The following ZNF385D variants were observed in gnomAD, a reference collection of about 807,000 sequenced individuals.
ZNF385D encodes zinc finger protein 659.
A neutral mutation model predicts 35.8 loss-of-function variants in ZNF385D; 15 were observed. The observed-to-expected ratio is 0.42, with a 90% CI of 0.28 to 0.64. ZNF385D has a LOEUF of 0.64. Among genes scored for constraint, ZNF385D ranks in the 30% least tolerant of loss-of-function variants. ZNF385D has a pLI of 0.23. For synonymous variants in ZNF385D, 212 were observed against 186.8 expected (o/e 1.13, Z -1.10); for missense variants, 474 against 494.6 (o/e 0.96, Z 0.39).
chr3:22,249,832 T>G lies in ZNF385D; in HGVS notation c.107-80797A>C, dbSNP rs564125158. Among the ~76,000 whole-genome samples, 8 of 152,274 alleles carry G rather than the reference T, an allele frequency of 5.3e-5. No homozygotes were observed. In the East Asian group the frequency reaches 1.5e-3, roughly 29 times the overall value. On this transcript the variant is annotated intron_variant, in intron 2 of 5. Coordinates refer to the ZNF385D transcript ENST00000494108. ...ATATTTAGGACCACTAGAGTCCACCTGAAACAAGAGATGGATGTATATGCC... is the reference window on the plus strand; with the variant it reads ...ATATTTAGGACCACTAGAGTCCACCGGAAACAAGAGATGGATGTATATGCC...
At chr3:21,989,935 C>A (rs1239973526) in intron 3 of ZNF385D, among the ~76,000 whole-genome samples, 2 of 152,164 alleles carry the variant, frequency 1.3e-5, no homozygotes, top group Admixed American at 6.5e-5. Context: ...CCTGATTTCA[C>A]ACAAAGATTT....
chr3:22,027,827 T>TG (rs1576180465), intron 3 of ZNF385D, among the ~76,000 whole-genome samples: 1 of 152,086 alleles, frequency 6.6e-6, no homozygotes, highest in East Asian at 1.9e-4. Context: ...AATGGCCTCA[T>TG]GGGGGGTTCT....
intron 2 of ZNF385D, among the ~76,000 whole-genome samples, chr3:22,181,425 G>T (rs565354733): frequency 2.6e-5 from 4 of 151,986 alleles, no homozygotes; most frequent in Non-Finnish European, 5.9e-5. Context: ...GGCCGGGCGC[G>T]GTGTCTCAAG....
intron 3 of ZNF385D, among the ~76,000 whole-genome samples, chr3:22,073,718 G>A (rs1299546674): frequency 6.6e-6 from 1 of 151,788 alleles, no homozygotes; most frequent in East Asian, 1.9e-4. Flanking sequence ...ATGGGGGGTT[G>A]GACAGTTTGT....
At chr3:21,444,475 C>G (rs1345246258) in intron 4 of ZNF385D, among the ~76,000 whole-genome samples, 16 of 149,068 alleles carry the variant, frequency 1.1e-4, no homozygotes, top group African/African-American at 3.7e-4. Context: ...AGCTCCATCT[C>G]CCTGGTTCAA....
intron 4 of ZNF385D, among the ~76,000 whole-genome samples, chr3:21,457,234 G>A (rs545999188): frequency 5.3e-5 from 8 of 152,238 alleles, no homozygotes; most frequent in Non-Finnish European, 8.8e-5. Context: ...CAGTACTAGC[G>A]TGTGATGGCA....
intron 1 of ZNF385D, among the ~76,000 whole-genome samples, chr3:21,703,768 G>A (rs997452347): frequency 6.6e-6 from 1 of 152,024 alleles, no homozygotes; most frequent in African/African-American, 2.4e-5. Flanking sequence ...GGCCAAATAT[G>A]TTGTTATTTG....
chr3:22,337,473 G>A (rs1463598637), intron 2 of ZNF385D, among the ~76,000 whole-genome samples: 1 of 152,150 alleles, frequency 6.6e-6, no homozygotes, highest in African/African-American at 2.4e-5. Context: ...AGCGGAGGTT[G>A]CAGTGACCCG....
At chr3:21,499,271 A>T (rs1290856937) in intron 4 of ZNF385D, among the ~76,000 whole-genome samples, 1 of 152,212 alleles carries the variant, frequency 6.6e-6, no homozygotes, top group Non-Finnish European at 1.5e-5. Context: ...AATTTGGTAC[A>T]TATACACCAT....
intron 3 of ZNF385D, among the ~76,000 whole-genome samples, chr3:21,998,200 T>C (rs952492232): frequency 6.6e-6 from 1 of 152,048 alleles, no homozygotes; most frequent in Non-Finnish European, 1.5e-5. Flanking sequence ...ATTTAGCATA[T>C]AATTATGGGT....
intron 3 of ZNF385D, among the ~76,000 whole-genome samples, chr3:22,168,104 T>C (rs1706453949): frequency 2.0e-5 from 3 of 152,330 alleles, no homozygotes; most frequent in South Asian, 2.1e-4. Context: ...ATTATATTTA[T>C]CAAACATGAA....
At chr3:21,865,165 T>A (rs1697279538) in intron 3 of ZNF385D, among the ~76,000 whole-genome samples, 2 of 148,772 alleles carry the variant, frequency 1.3e-5, no homozygotes, top group Non-Finnish European at 3.0e-5. Flanking sequence ...AAGATAAGGC[T>A]ATAATAGAAC....
chr3:22,040,701 T>C (rs1332716446), intron 3 of ZNF385D, among the ~76,000 whole-genome samples: 6 of 152,106 alleles, frequency 3.9e-5, no homozygotes. Context: ...GTCTACAGTT[T>C]AGGGAAACAC....
intron 1 of ZNF385D, among the ~76,000 whole-genome samples, chr3:21,706,256 A>G (rs942981156): frequency 1.3e-5 from 2 of 152,070 alleles, no homozygotes; most frequent in Non-Finnish European, 2.9e-5. Flanking sequence ...TGTCCTTATC[A>G]TGCAATCAGC....
chr3:21,895,666 G>A (rs549748213), intron 3 of ZNF385D, among the ~76,000 whole-genome samples: 196 of 152,068 alleles, frequency 1.3e-3, no homozygotes, highest in African/African-American at 4.4e-3. Context: ...AAACATGAAA[G>A]ATTTCCCTTT....
intron 2 of ZNF385D, among the ~76,000 whole-genome samples, chr3:22,309,963 T>C (rs189997212): frequency 5.2e-4 from 79 of 152,144 alleles, no homozygotes; most frequent in Non-Finnish European, 5.4e-4. Flanking sequence ...AATAAAGCCA[T>C]GGAGGCTTGA....
chr3:21,845,417 C>G (rs531127932), intron 3 of ZNF385D, among the ~76,000 whole-genome samples: 1 of 152,088 alleles, frequency 6.6e-6, no homozygotes, highest in African/African-American at 2.4e-5. Flanking sequence ...TCTCTCTCTT[C>G]TTCTCCTTCT....
intron 4 of ZNF385D, among the ~76,000 whole-genome samples, chr3:21,442,026 G>T (rs565615710): frequency 6.6e-6 from 1 of 152,174 alleles, no homozygotes; most frequent in South Asian, 2.1e-4. Flanking sequence ...TTGTGGAATG[G>T]GGCTTCAGTT....
At chr3:22,343,808 C>T (rs546130386) in intron 2 of ZNF385D, among the ~76,000 whole-genome samples, 10 of 152,250 alleles carry the variant, frequency 6.6e-5, no homozygotes, top group Admixed American at 3.3e-4. Context: ...AACAATATCA[C>T]ATTCAGTGCC....
Sources: allele counts gnomAD v4.1 joint callset (sites outside exome capture counted in the v4.1 genomes callset), GRCh38; gene constraint gnomAD v4.1.1; transcripts MANE v1.5; gene names NCBI Gene and HGNC (gene_info 2026-07-23, HGNC 2026-07-21).